Variants in PLCH1 observed in about 807,000 individuals in gnomAD.
PLCH1 encodes the protein phospholipase C eta 1, also known as 1-phosphatidylinositol 4,5-bisphosphate phosphodiesterase eta-1.
Under a neutral mutation model 126.7 loss-of-function variants are expected in PLCH1, and 60 were observed. The ratio of observed to expected loss-of-function variants is 0.47; its 90% CI spans 0.38 to 0.59. PLCH1 has a LOEUF of 0.59. Ranked by LOEUF, PLCH1 falls within the 20% of genes least tolerant of loss-of-function variation. The pLI, the probability that PLCH1 is intolerant of heterozygous loss-of-function variation, is 0.00. For missense variants in PLCH1, 1,723 were observed against 2,040.0 expected (o/e 0.84, Z 2.99); for synonymous variants, 719 against 734.9 (o/e 0.98, Z 0.35).
At chr3:155,630,464 A>G (rs1485912127) in intron 2 of PLCH1, among the ~76,000 whole-genome samples, 3 of 152,264 alleles carry the variant, frequency 2.0e-5, no homozygotes. Flanking sequence ...AAACTTATCC[A>G]GTCAAAATAT....
At chr3:155,487,924 A>G (rs1201707514) in intron 21 of PLCH1, 104 bp downstream of exon 21, 5 of 767,038 alleles carry the variant, frequency 6.5e-6, no homozygotes, top group Non-Finnish European at 8.7e-6. Context: ...TTTTTGGTTC[A>G]AGAACAGTTT....
intron 2 of PLCH1, among the ~76,000 whole-genome samples, chr3:155,694,684 A>T (rs1577331382): frequency 6.6e-6 from 1 of 152,310 alleles, no homozygotes; most frequent in East Asian, 1.9e-4. Flanking sequence ...AACAGACAAA[A>T]ACATTTTCAC....
At chr3:155,468,595 C>T (rs1344321501) in intron 21 of PLCH1, among the ~76,000 whole-genome samples, 1 of 152,152 alleles carries the variant, frequency 6.6e-6, no homozygotes, top group African/African-American at 2.4e-5. Context: ...AGTCACTATA[C>T]TTACATCAGA....
At position 155,569,953 on chromosome 3, in the gene PLCH1, CA is replaced by C. The variant is rs1483414103; in HGVS notation, c.772-1630del. ...AGGATACAGTGAAGACTTTTATAAC[CA>C]AAAACATCATATTTGAAAATATTCA... On this transcript the variant is annotated intron_variant, in intron 6 of 22. Coordinates refer to ENST00000460012, the MANE Select transcript of PLCH1 (RefSeq NM_014996.4). 7.2e-5 allele frequency among the ~76,000 whole-genome samples: 11 copies of C among 152,092 alleles called. No individual in the cohort carries two copies. In the East Asian group the frequency reaches 1.9e-3, roughly 27 times the overall value.
chr3:155,668,296 G>A (rs530623529), intron 2 of PLCH1, among the ~76,000 whole-genome samples: 6 of 151,842 alleles, frequency 4.0e-5, no homozygotes, highest in Non-Finnish European at 5.9e-5. Flanking sequence ...ACACTTACCC[G>A]AGCTTAGAAC....
intron 2 of PLCH1, among the ~76,000 whole-genome samples, chr3:155,637,594 C>T (rs4680206): frequency 0.17 from 25,611 of 152,116 alleles, 2,520 homozygotes; most frequent in African/African-American, 0.27. Flanking sequence ...ATGGAAAATG[C>T]GTTTTGTGAG....
chr3:155,716,174 G>A (rs2109120174), intron 1 of PLCH1, among the ~76,000 whole-genome samples: 1 of 152,296 alleles, frequency 6.6e-6, no homozygotes, highest in South Asian at 2.1e-4. Context: ...TTTGGTTATA[G>A]TTTCTAGTTT....
chr3:155,655,248 C>G (rs1409028454), intron 2 of PLCH1, among the ~76,000 whole-genome samples: 1 of 152,058 alleles, frequency 6.6e-6, no homozygotes, highest in Non-Finnish European at 1.5e-5. Context: ...CCAGCCTGAG[C>G]AATATGGCAA....
rs541889104 is a variant in PLCH1 at position 155,543,897 on chromosome 3, A to G, written c.1362+5890T>C. Among the ~76,000 whole-genome samples the G allele has an allele frequency of 8.5e-5, 13 of 152,208 alleles. No homozygotes were observed. The East Asian group carries it at 2.1e-3, about 25-fold the overall frequency. ...AGAGCTCCTGAAGGAAGCGCTAAAC[A>G]TGGAAAGGAACAACCAGTACCAGCC... On this transcript the variant is annotated intron_variant, in intron 10 of 22. Coordinates refer to ENST00000460012, the MANE Select transcript of PLCH1 (RefSeq NM_014996.4).
intron 2 of PLCH1, among the ~76,000 whole-genome samples, chr3:155,671,977 C>A (rs1743508941): frequency 2.6e-5 from 4 of 152,092 alleles, no homozygotes; most frequent in Admixed American, 2.6e-4. Context: ...AATTTTTCAA[C>A]TTTTTAAATT....
Position 155,492,732 on chromosome 3 carries a change from G to A in PLCH1, c.2304C>T (p.Gly768=), listed in dbSNP as rs751741786. The change falls in exon 18 of 23, where the codon GGC becomes GGT. Residue 768 remains glycine (G), a synonymous_variant. Coordinates refer to ENST00000460012, the MANE Select transcript of PLCH1 (RefSeq NM_014996.4). ...KPPDSMFGDR[G]EIIDPFVEVE... Reference sequence around the variant, plus strand: ...CACGTAGTCATAGGCAACTTACCTCGCCTCGATCTCCAAACATGGAGTCTG... The same window carrying A: ...CACGTAGTCATAGGCAACTTACCTCACCTCGATCTCCAAACATGGAGTCTG... 5.1e-6 allele frequency: 8 copies of A among 1,575,098 alleles called. No homozygotes were observed. The highest frequency in any genetic ancestry group is 2.7e-5 in the African/African-American group (2 of 73,104).
intron 4 of PLCH1, among the ~76,000 whole-genome samples, chr3:155,589,373 T>C (rs1016103246): frequency 1.3e-5 from 2 of 152,200 alleles, no homozygotes; most frequent in South Asian, 4.1e-4. Flanking sequence ...AAAACCTTTA[T>C]TAAAATTTCA....
intron 2 of PLCH1, among the ~76,000 whole-genome samples, chr3:155,632,413 G>A (rs1199459344): frequency 1.3e-5 from 2 of 152,136 alleles, no homozygotes; most frequent in African/African-American, 2.4e-5. Flanking sequence ...TTACCTTCTA[G>A]AGCCATCATC....
intron 20 of PLCH1, 139 bp from the exon 21 acceptor site, chr3:155,488,246 G>T: frequency 1.6e-6 from 1 of 615,010 alleles, no homozygotes; most frequent in Non-Finnish European, 2.9e-6. Context: ...TGCCCAGGCT[G>T]GAATGCAGTG....
chr3:155,591,087 A>G (rs149505486), intron 4 of PLCH1, among the ~76,000 whole-genome samples: 59 of 152,318 alleles, frequency 3.9e-4, no homozygotes, highest in African/African-American at 1.3e-3. Flanking sequence ...ACAAAGCAAA[A>G]AGATGATTTA....
In PLCH1 at chr3:155,606,221, C is replaced by T. The variant is rs916329257; in HGVS notation, c.80-9843G>A. Among the ~76,000 whole-genome samples the T allele has an allele frequency of 3.7e-4, 57 of 152,064 alleles. 1 individual carries two copies. Among genetic ancestry groups the T allele is most frequent in the African/African-American group, 1.4e-3 (56 of 41,412 alleles). On this transcript the variant is annotated intron_variant, in intron 2 of 22. Transcript: ENST00000460012. ...CATTGAATTGTTTCTCCATTTACTT[C>T]TTCTTGCTACCCTTGATGCCCACAA...
chr3:155,633,331 C>G (rs947533797), intron 2 of PLCH1, among the ~76,000 whole-genome samples: 1 of 138,428 alleles, frequency 7.2e-6, no homozygotes, highest in African/African-American at 2.7e-5. Flanking sequence ...CTCCTTGAAA[C>G]AGTTTAGTTT....
At chr3:155,658,252 G>C in intron 2 of PLCH1, 1 of 216,412 alleles carries the variant, frequency 4.6e-6, no homozygotes. Context: ...CAGGCAAGAG[G>C]GTGGCTTTCC....
chr3:155,697,044 T>C (rs945233561), intron 2 of PLCH1, among the ~76,000 whole-genome samples: 1 of 152,206 alleles, frequency 6.6e-6, no homozygotes, highest in Non-Finnish European at 1.5e-5. Flanking sequence ...TTGCAGAAGA[T>C]AAATGACCTT....
Sources: gnomAD v4.1 joint callset for allele counts (sites outside exome capture counted in the v4.1 genomes callset) on GRCh38, gnomAD v4.1.1 for gene constraint, MANE v1.5 for transcripts, NCBI Gene and HGNC (gene_info 2026-07-23, HGNC 2026-07-21) for gene names.